The following TSHZ2 variants were observed in gnomAD, a reference collection of about 807,000 sequenced individuals.
TSHZ2 encodes the protein teashirt homolog 2.
In TSHZ2, 21 loss-of-function variants were observed where a neutral mutation model predicts 74.4. That is an observed-to-expected ratio of 0.28 (90% confidence interval 0.20 to 0.41). The LOEUF is 0.41. Ranked by LOEUF, TSHZ2 falls within the 10% of genes least tolerant of loss-of-function variation. The pLI is 1.00. For missense variants in TSHZ2, 1,244 were observed against 1,293.5 expected (o/e 0.96, Z 0.59); for synonymous variants, 540 against 515.3 (o/e 1.05, Z -0.65).
chr20:53,237,880 C>A (rs928913986), intron 1 of TSHZ2, among the ~76,000 whole-genome samples: 1 of 152,116 alleles, frequency 6.6e-6, no homozygotes, highest in African/African-American at 2.4e-5. Flanking sequence ...ACGAGCACTG[C>A]AACCGTACTC....
At chr20:53,084,755 C>A (rs1382911380) in intron 1 of TSHZ2, among the ~76,000 whole-genome samples, 1 of 143,508 alleles carries the variant, frequency 7.0e-6, no homozygotes, top group Admixed American at 7.5e-5. Context: ...TGGTTAAGCA[C>A]CTATTCTGTA....
At chr20:53,443,916 G>C (rs1483687816) in intron 2 of TSHZ2, among the ~76,000 whole-genome samples, 2 of 152,198 alleles carry the variant, frequency 1.3e-5, no homozygotes, top group Non-Finnish European at 2.9e-5. Flanking sequence ...GGCCTGGTGT[G>C]TTCCAAGGGC....
chr20:53,052,542 C>T (rs575947680), intron 1 of TSHZ2, among the ~76,000 whole-genome samples: 1 of 152,296 alleles, frequency 6.6e-6, no homozygotes, highest in South Asian at 2.1e-4. Flanking sequence ...TTCCACGAAA[C>T]CAGTCCCTGG....
intron 1 of TSHZ2, among the ~76,000 whole-genome samples, chr20:52,976,242 G>T (rs947937438): frequency 6.6e-6 from 1 of 152,240 alleles, no homozygotes; most frequent in East Asian, 1.9e-4. Flanking sequence ...TCAGGGGGAA[G>T]GGATGTGAGG....
At position 53,034,564 on chromosome 20, in the gene TSHZ2, GAAT is replaced by G. The variant is rs1274591285; in HGVS notation, c.40+61235_40+61237del. ...ATAGAATTTCCAAGAAGATAAAATA[GAAT>G]AATGTGTTTGTGAGTCGGAAGTTAT... is the stretch of plus-strand genomic sequence containing the variant. On this transcript the variant is annotated intron_variant, in intron 1 of 2. Coordinates refer to ENST00000371497, the MANE Select transcript of TSHZ2 (RefSeq NM_173485.6). 3.3e-5 allele frequency among the ~76,000 whole-genome samples: 5 copies of G among 152,296 alleles called. No homozygotes were observed. The East Asian group carries it at 9.6e-4, about 29-fold the overall frequency.
At chr20:53,197,696 T>A (rs189539530) in intron 1 of TSHZ2, among the ~76,000 whole-genome samples, 62 of 152,342 alleles carry the variant, frequency 4.1e-4, no homozygotes, top group Non-Finnish European at 7.9e-4. Flanking sequence ...AGTCTCCCGT[T>A]TCTGCAAAAT....
intron 2 of TSHZ2, among the ~76,000 whole-genome samples, chr20:53,319,786 C>T (rs1256611324): frequency 6.6e-6 from 1 of 152,240 alleles, no homozygotes; most frequent in Non-Finnish European, 1.5e-5. Flanking sequence ...ATGCAATGCA[C>T]TCACCCAAAG....
At chr20:53,299,861 C>T (rs1194139629) in intron 2 of TSHZ2, among the ~76,000 whole-genome samples, 1 of 152,188 alleles carries the variant, frequency 6.6e-6, no homozygotes, top group African/African-American at 2.4e-5. Context: ...CAGAGCCCAT[C>T]AGAGGATGAC....
intron 1 of TSHZ2, among the ~76,000 whole-genome samples, chr20:52,986,401 C>CAAA (rs34991984): frequency 8.3e-5 from 10 of 120,786 alleles, no homozygotes; most frequent in East Asian, 2.8e-4. Context: ...AAGAATCCAT[C>CAAA]AAAAAAAAAA....
At chr20:53,050,777 T>C (rs1476714176) in intron 1 of TSHZ2, among the ~76,000 whole-genome samples, 1 of 152,248 alleles carries the variant, frequency 6.6e-6, no homozygotes, top group Non-Finnish European at 1.5e-5. Context: ...ATGGTAGTTC[T>C]TGGTGTGCTG....
At chr20:53,035,723 A>G (rs1043783360) in intron 1 of TSHZ2, among the ~76,000 whole-genome samples, 1 of 152,200 alleles carries the variant, frequency 6.6e-6, no homozygotes, top group Non-Finnish European at 1.5e-5. Flanking sequence ...AATGGGGAAG[A>G]CAAGTATCAA....
intron 2 of TSHZ2, among the ~76,000 whole-genome samples, chr20:53,462,723 G>T (rs1474490112): frequency 6.6e-6 from 1 of 152,192 alleles, no homozygotes; most frequent in Non-Finnish European, 1.5e-5. Flanking sequence ...ATTACTTTGA[G>T]AAAGAAAGCC....
chr20:53,163,360 C>CTTTTTTTTT lies in TSHZ2; in HGVS notation c.41-90121_41-90113dup, dbSNP rs55685519. ...TTAAGTGCACGCACGCTCTCTGTCTCTTTTTTTTTTTTTTTTTTTTTTTTT... is the reference window on the plus strand; with the variant it reads ...TTAAGTGCACGCACGCTCTCTGTCTCTTTTTTTTTTTTTTTTTTTTTTTTTTTTTTTTTT... On this transcript the variant is annotated intron_variant, in intron 1 of 2. Coordinates refer to ENST00000371497, the MANE Select transcript of TSHZ2 (RefSeq NM_173485.6). Among the ~76,000 whole-genome samples, 358 of 65,636 alleles carry CTTTTTTTTT rather than the reference C, an allele frequency of 5.5e-3. 11 individuals are homozygous for CTTTTTTTTT. The highest frequency in any genetic ancestry group is 7.2e-3 in the Non-Finnish European group (256 of 35,398). The allele number at this position is 65,636 out of a possible 152,430, so 43.1% of individuals were successfully genotyped here.
chr20:53,191,653 ACT>A (rs967994198), intron 1 of TSHZ2, among the ~76,000 whole-genome samples: 1 of 152,098 alleles, frequency 6.6e-6, no homozygotes, highest in Non-Finnish European at 1.5e-5. Flanking sequence ...ACAGAGCCAG[ACT>A]CTGTCTCAAA....
chr20:53,168,439 C>G (rs58965768), intron 1 of TSHZ2, among the ~76,000 whole-genome samples: 5,160 of 152,272 alleles, frequency 0.034, 294 homozygotes, highest in African/African-American at 0.12. Flanking sequence ...AAAATCCACT[C>G]AAATATACCA....
chr20:53,432,255 T>C (rs1281531523), intron 2 of TSHZ2, among the ~76,000 whole-genome samples: 1 of 152,224 alleles, frequency 6.6e-6, no homozygotes, highest in African/African-American at 2.4e-5. Context: ...GTTACTTTAC[T>C]TAGAATAATG....
chr20:53,080,966 A>C (rs527563091), intron 1 of TSHZ2, among the ~76,000 whole-genome samples: 27 of 152,198 alleles, frequency 1.8e-4, no homozygotes, highest in Non-Finnish European at 3.5e-4. Flanking sequence ...AGTGACAAAC[A>C]TTAGCTTCTT....
intron 2 of TSHZ2, among the ~76,000 whole-genome samples, chr20:53,329,592 A>C (rs1030209670): frequency 1.4e-5 from 2 of 140,442 alleles, no homozygotes; most frequent in African/African-American, 5.3e-5. Context: ...AATCACCCAC[A>C]TGTGGGATTT....
At chr20:53,473,333 A>C (rs1479565835) in intron 2 of TSHZ2, among the ~76,000 whole-genome samples, 3 of 142,894 alleles carry the variant, frequency 2.1e-5, no homozygotes, top group Non-Finnish European at 4.6e-5. Context: ...CTGCCTCCTC[A>C]AGTGGGTCCC....
Sources: gnomAD v4.1 joint callset for allele counts (sites outside exome capture counted in the v4.1 genomes callset) on GRCh38, gnomAD v4.1.1 for gene constraint, MANE v1.5 for transcripts, NCBI Gene and HGNC (gene_info 2026-07-23, HGNC 2026-07-21) for gene names.